ZCCHC14: variants seen among roughly 807,000 people sequenced by gnomAD.
ZCCHC14 encodes zinc finger CCHC-type containing 14.
ZCCHC14 carries 16 observed loss-of-function variants against 85.0 expected under a neutral mutation model. The observed-to-expected ratio is 0.19, with a 90% CI of 0.13 to 0.29. The LOEUF is 0.29. Ranked by LOEUF, ZCCHC14 falls within the 10% of genes least tolerant of loss-of-function variation. The probability of loss-of-function intolerance (pLI) is 1.00; values close to 1 mark genes in which losing one functional copy is unlikely to be tolerated. For synonymous variants in ZCCHC14, 775 were observed against 630.7 expected, an observed-to-expected ratio of 1.23 and a Z score of -3.43; for missense variants, 1,303 against 1,443.5, an observed-to-expected ratio of 0.90 and a Z score of 1.58.
At chr16:87,476,358 A>G (rs1470929436) in intron 1 of ZCCHC14, among the ~76,000 whole-genome samples, 1 of 152,112 alleles carries the variant, frequency 6.6e-6, no homozygotes, top group Admixed American at 6.5e-5. Context: ...ATAAAAGACA[A>G]TATTTTCCTC....
intron 8 of ZCCHC14, 106 bp from the exon 9 acceptor site, chr16:87,415,473 G>T (rs559270630): frequency 4.3e-6 from 4 of 933,974 alleles, no homozygotes; most frequent in Non-Finnish European, 6.6e-6. Context: ...TCTGGGATAT[G>T]CAAACAGATC....
intron 2 of ZCCHC14, among the ~76,000 whole-genome samples, chr16:87,455,685 A>G (rs1910921830): frequency 6.6e-6 from 1 of 152,228 alleles, no homozygotes; most frequent in Admixed American, 6.5e-5. Flanking sequence ...AAAAATAGTA[A>G]GTACAGATGG....
intron 9 of ZCCHC14, 128 bp from the exon 10 acceptor site, chr16:87,414,669 A>G: frequency 7.9e-7 from 1 of 1,272,750 alleles, no homozygotes; most frequent in South Asian, 1.5e-5. Context: ...AGATGGGTCT[A>G]CTCCACACCA....
In ZCCHC14 at chr16:87,406,807, C is replaced by G. The variant is rs1171874350; in HGVS notation, c.*3473G>C. 6.6e-6 allele frequency: 1 copy of G among 152,158 alleles called. No homozygotes were observed. Among genetic ancestry groups the G allele is most frequent in the Non-Finnish European group, 1.5e-5 (1 of 68,036 alleles). 9.4% of individuals were successfully genotyped at this position (152,158 alleles called of 1,614,324 possible). ...GACCCTTGGGACTTTTCAACAAATT[C>G]GCCTCTTCAGAACCCATGGCTTTCA... On this transcript the variant is annotated 3_prime_UTR_variant, in exon 13 of 13. Coordinates refer to ENST00000671377, the MANE Select transcript of ZCCHC14 (RefSeq NM_015144.3).
intron 1 of ZCCHC14, among the ~76,000 whole-genome samples, chr16:87,482,083 C>A (rs1021277999): frequency 1.3e-5 from 2 of 152,168 alleles, no homozygotes; most frequent in African/African-American, 4.8e-5. Context: ...CCCTCCCGAC[C>A]TACCCATGTC....
chr16:87,434,086 A>T (rs548930521), intron 2 of ZCCHC14, among the ~76,000 whole-genome samples: 121 of 152,324 alleles, frequency 7.9e-4, no homozygotes, highest in African/African-American at 2.9e-3. Context: ...CACGGGATGG[A>T]CAGCCAGAGG....
chr16:87,425,909 T>C (rs1597408318), intron 3 of ZCCHC14, among the ~76,000 whole-genome samples: 1 of 152,372 alleles, frequency 6.6e-6, no homozygotes, highest in African/African-American at 2.4e-5. Flanking sequence ...ACCCCAGCGA[T>C]TAAACATGGT....
intron 1 of ZCCHC14, among the ~76,000 whole-genome samples, chr16:87,478,072 G>A (rs951075335): frequency 1.3e-5 from 2 of 152,218 alleles, no homozygotes; most frequent in South Asian, 2.1e-4. Context: ...ATTAGCAATT[G>A]TAAAAGGAAA....
chr16:87,461,154 C>T (rs530941995), intron 1 of ZCCHC14, among the ~76,000 whole-genome samples: 13 of 152,312 alleles, frequency 8.5e-5, no homozygotes, highest in East Asian at 1.9e-4. Context: ...CCAGTGCTCC[C>T]AACACACAAC....
chr16:87,470,942 G>T (rs4843614), intron 1 of ZCCHC14: 1 of 152,130 alleles, frequency 6.6e-6, no homozygotes, highest in East Asian at 1.9e-4. Context: ...AAAAGTTACA[G>T]ATATTAAGTC....
intron 3 of ZCCHC14, among the ~76,000 whole-genome samples, chr16:87,428,898 CGG>C (rs60734609): frequency 0.85 from 128,906 of 152,102 alleles, 55,101 homozygotes; most frequent in South Asian, 0.88. Context: ...GCATTACTGC[CGG>C]GGGTGGTATT....
chr16:87,413,241 A>G (rs1332242246), intron 10 of ZCCHC14, 46 bp from the exon 11 acceptor site: 9 of 1,476,762 alleles, frequency 6.1e-6, no homozygotes, highest in Non-Finnish European at 8.1e-6. Flanking sequence ...GCGCCCCTGC[A>G]GGCTCAGCCC....
rs1282582542 is a variant in ZCCHC14 at position 87,492,335 on chromosome 16, G to C, written c.-97C>G. 1 of 406,752 alleles carries C rather than the reference G, an allele frequency of 2.5e-6. No homozygotes were observed. The highest frequency in any genetic ancestry group is 2.2e-5 in the African/African-American group (1 of 45,374). The allele number at this position is 406,752 out of a possible 1,614,324, so 25.2% of individuals were successfully genotyped here. ...GCGGCCGGGGCGCGCCGGGACCGGGGACGCGCGGGCCGGGGCCGGGTCCGG... is the reference window on the plus strand; with the variant it reads ...GCGGCCGGGGCGCGCCGGGACCGGGCACGCGCGGGCCGGGGCCGGGTCCGG... On this transcript the variant is annotated 5_prime_UTR_variant, in exon 1 of 13. Coordinates refer to ENST00000671377, the MANE Select transcript of ZCCHC14 (RefSeq NM_015144.3). The surrounding 1 kb of genome is among the most constrained non-coding windows in gnomAD (Gnocchi z 6.7).
At chr16:87,477,318 A>G (rs1912066164) in intron 1 of ZCCHC14, among the ~76,000 whole-genome samples, 1 of 152,210 alleles carries the variant, frequency 6.6e-6, no homozygotes, top group African/African-American at 2.4e-5. Context: ...CTGAATGAAT[A>G]AAAACGAGCC....
intron 6 of ZCCHC14, among the ~76,000 whole-genome samples, chr16:87,419,500 A>T (rs1329560511): frequency 2.0e-5 from 3 of 152,114 alleles, no homozygotes. Context: ...ACGGGGTTTC[A>T]CCATATTGGC....
intron 7 of ZCCHC14, among the ~76,000 whole-genome samples, chr16:87,418,141 C>T (rs1052097883): frequency 2.0e-5 from 3 of 151,904 alleles, no homozygotes; most frequent in Non-Finnish European, 2.9e-5. Flanking sequence ...CATGCTACTC[C>T]GATAGGTATT....
At chr16:87,423,727 G>A in intron 4 of ZCCHC14, 83 bp downstream of exon 4, 1 of 1,486,976 alleles carries the variant, frequency 6.7e-7, no homozygotes, top group Non-Finnish European at 9.3e-7. Flanking sequence ...GAAGGGAGTG[G>A]CCTCTGAAAT....
At chr16:87,476,925 G>C (rs1446715241) in intron 1 of ZCCHC14, among the ~76,000 whole-genome samples, 1 of 151,898 alleles carries the variant, frequency 6.6e-6, no homozygotes, top group Non-Finnish European at 1.5e-5. Flanking sequence ...AGGAGTTTGA[G>C]ACCAGCCTGA....
At chr16:87,437,590 T>TG (rs1909991331) in intron 2 of ZCCHC14, among the ~76,000 whole-genome samples, 1 of 152,194 alleles carries the variant, frequency 6.6e-6, no homozygotes, top group Admixed American at 6.5e-5. Context: ...CAAACACGGC[T>TG]GGGGCAAAGG....
Sources: gnomAD v4.1 joint callset for allele counts (sites outside exome capture counted in the v4.1 genomes callset) on GRCh38, gnomAD v4.1.1 for gene constraint, Gnocchi (gnomAD v3.1) non-coding constraint, MANE v1.5 for transcripts, NCBI Gene and HGNC (gene_info 2026-07-23, HGNC 2026-07-21) for gene names.